SHROOM2: variants seen among roughly 807,000 people sequenced by gnomAD.
SHROOM2 encodes shroom family member 2, also known as protein Shroom2.
In SHROOM2, 33 loss-of-function variants were observed where a neutral mutation model predicts 75.9. The observed-to-expected ratio is 0.43, with a 90% CI of 0.33 to 0.58. The LOEUF (loss-of-function observed/expected upper bound fraction) is 0.58, where lower values mean the gene tolerates loss of function less well. Ranked by LOEUF, SHROOM2 falls within the 20% of genes least tolerant of loss-of-function variation. The pLI is 0.04. For missense variants in SHROOM2, 1,434 were observed against 1,461.2 expected, an observed-to-expected ratio of 0.98 and a Z score of 0.30; for synonymous variants, 655 against 663.6, an observed-to-expected ratio of 0.99 and a Z score of 0.20.
chrX:9,846,323 C>A (rs2084006503), intron 1 of SHROOM2, among the ~76,000 whole-genome samples: 1 of 110,904 alleles, frequency 9.0e-6, no homozygotes, highest in Non-Finnish European at 1.9e-5. Context: ...GAGACGGAGT[C>A]TCGCTCTGTC....
chrX:9,818,996 A>G, intron 1 of SHROOM2: 1 of 868,923 alleles, frequency 1.2e-6, no homozygotes, highest in Non-Finnish European at 1.7e-6. Context: ...ATACGGAGCC[A>G]TTTTCCTTGT....
rs1294625408 is a variant in SHROOM2 at position 9,932,284 on chromosome X, G to A, written c.3001G>A (p.Ala1001Thr). 2.5e-6 allele frequency: 3 copies of A among 1,201,895 alleles called. No individual in the cohort carries two copies. The highest frequency in any genetic ancestry group is 3.0e-5 in the East Asian group (1 of 33,554). The change falls in exon 6 of 10, where the codon GCC becomes ACC. Residue 1001 changes from alanine (A) to threonine (T), a missense_variant. By Grantham distance (58) the Ala-to-Thr change is moderately conservative. Coordinates refer to ENST00000380913, the MANE Select transcript of SHROOM2 (RefSeq NM_001649.4). ...CTCTGAACTATCTCACTGCCGGGGAGCCCCAGAGCTGCCCCGGGAGGGCCG... is the reference window on the plus strand; with the variant it reads ...CTCTGAACTATCTCACTGCCGGGGAACCCCAGAGCTGCCCCGGGAGGGCCG... Reference protein sequence around the residue: ...TFSELSHCRGAPELPREGRGR... With the variant: ...TFSELSHCRGTPELPREGRGR...
In SHROOM2 at chrX:9,789,441, A is replaced by G. The variant is rs188080742; in HGVS notation, c.165+2731A>G. 2.9e-4 allele frequency among the ~76,000 whole-genome samples: 32 copies of G among 111,424 alleles called. No individual in the cohort carries two copies. In the Admixed American group the frequency reaches 3.0e-3, roughly 10 times the overall value. On this transcript the variant is annotated intron_variant, in intron 1 of 9. Transcript: ENST00000380913. Reference sequence around the variant, plus strand: ...ACAGTTGGTGGAAAAAATGCACTCAAACCCATATTTCCATGCTGTTGTTAG... The same window carrying G: ...ACAGTTGGTGGAAAAAATGCACTCAGACCCATATTTCCATGCTGTTGTTAG...
chrX:9,949,125 T>A lies in SHROOM2; in HGVS notation c.*2188T>A. ...CAGCTGTCCTGTCAGTTCCCCTGTTTGCCTCTGAAACGTCTGGTTAGTGGG... is the reference window on the plus strand; with the variant it reads ...CAGCTGTCCTGTCAGTTCCCCTGTTAGCCTCTGAAACGTCTGGTTAGTGGG... On this transcript the variant is annotated 3_prime_UTR_variant, in exon 10 of 10. Coordinates refer to ENST00000380913, the MANE Select transcript of SHROOM2 (RefSeq NM_001649.4). 1 of 229,834 alleles carries A rather than the reference T, an allele frequency of 4.4e-6. No individual in the cohort carries two copies. Among genetic ancestry groups the A allele is most frequent in the Non-Finnish European group, 8.2e-6 (1 of 121,479 alleles). 18.9% of individuals were successfully genotyped at this position (229,834 alleles called of 1,213,427 possible).
chrX:9,860,385 C>T (rs2084096975), intron 1 of SHROOM2, among the ~76,000 whole-genome samples: 1 of 111,928 alleles, frequency 8.9e-6, no homozygotes, highest in Admixed American at 9.5e-5. Context: ...GGTTAACATA[C>T]ATGCACATCA....
chrX:9,908,074 G>C (rs1055076900), intron 5 of SHROOM2, among the ~76,000 whole-genome samples: 4 of 112,626 alleles, frequency 3.6e-5, no homozygotes, highest in Non-Finnish European at 5.6e-5. Context: ...GTAATAGTTC[G>C]CGATTATCTT....
Position 9,894,594 on chromosome X carries a change from C to T in SHROOM2, c.686C>T (p.Thr229Met), listed in dbSNP as rs1209932248. The change falls in exon 4 of 10, where the codon ACG (threonine) becomes ATG (methionine). Residue 229 changes from threonine (T) to methionine (M), a missense_variant. Physicochemically the swap from Thr to Met is moderately conservative, Grantham distance 81. This residue lies in a region of SHROOM2 where 1,340 missense variants were observed against 1,338.3 expected (regional missense o/e 1.00). Transcript: ENST00000380913. ...TPDHTLSKADTSSAENILYTV... is the reference protein window; with the variant it reads ...TPDHTLSKADMSSAENILYTV... ...GACCACACCTTGTCCAAAGCCGACA[C>T]GTCCTCCGCAGAGAACATCCTCTAC... 5.8e-6 allele frequency: 7 copies of T among 1,210,550 alleles called. No homozygotes were observed. In the Admixed American group the frequency reaches 8.7e-5, roughly 15 times the overall value.
intron 5 of SHROOM2, among the ~76,000 whole-genome samples, chrX:9,924,267 T>C (rs909019741): frequency 8.9e-6 from 1 of 112,530 alleles, no homozygotes; most frequent in African/African-American, 3.2e-5. Context: ...ATTTCAGTTT[T>C]TATGACTGAA....
intron 2 of SHROOM2, among the ~76,000 whole-genome samples, chrX:9,888,366 C>T (rs985432739): frequency 3.6e-5 from 4 of 112,366 alleles, no homozygotes; most frequent in Admixed American, 9.4e-5. Context: ...GCTTTCCATA[C>T]GGCCTTATCC....
At chrX:9,826,184 C>T (rs1308598908) in intron 1 of SHROOM2, among the ~76,000 whole-genome samples, 1 of 112,104 alleles carries the variant, frequency 8.9e-6, no homozygotes, top group Non-Finnish European at 1.9e-5. Flanking sequence ...TGTGTTATGC[C>T]ATCATGACCT....
In SHROOM2 at chrX:9,894,144, A is replaced by G. The variant is rs1055424366; in HGVS notation, c.450-214A>G. 1.1e-4 allele frequency among the ~76,000 whole-genome samples: 12 copies of G among 110,521 alleles called. No individual in the cohort carries two copies. In the Admixed American group the frequency reaches 1.2e-3, roughly 11 times the overall value. The stretch of plus-strand genomic sequence containing the variant: ...TGGTAAAAGCCATGTAACAGGGAGG[A>G]CACAGTCTTTTCAGCCTGTGCCCAG... On this transcript the variant is annotated intron_variant, in intron 3 of 9. Coordinates refer to ENST00000380913, the MANE Select transcript of SHROOM2 (RefSeq NM_001649.4).
chrX:9,803,868 G>A (rs886369779), intron 1 of SHROOM2, among the ~76,000 whole-genome samples: 1 of 111,286 alleles, frequency 9.0e-6, no homozygotes, highest in South Asian at 3.8e-4. Flanking sequence ...AGCACTGTTG[G>A]GCAGCACGGG....
intron 3 of SHROOM2, among the ~76,000 whole-genome samples, chrX:9,892,911 T>C (rs1212679106): frequency 8.9e-6 from 1 of 112,011 alleles, no homozygotes; most frequent in African/African-American, 3.2e-5. Flanking sequence ...GATAAATAGT[T>C]TCACCATTGA....
intron 8 of SHROOM2, among the ~76,000 whole-genome samples, chrX:9,943,835 T>G (rs2147066413): frequency 8.9e-6 from 1 of 112,493 alleles, no homozygotes; most frequent in African/African-American, 3.2e-5. Flanking sequence ...TTTTATATGC[T>G]AGTATTAGCA....
rs1211678999 is a variant in SHROOM2, at chrX:9,948,593, G to A, written c.*1656G>A. 1 of 113,546 alleles carries A rather than the reference G, an allele frequency of 8.8e-6. No homozygotes were observed. Among genetic ancestry groups the A allele is most frequent in the Non-Finnish European group, 1.9e-5 (1 of 53,503 alleles). The allele number at this position is 113,546 out of a possible 1,213,427, so 9.4% of individuals were successfully genotyped here. On this transcript the variant is annotated 3_prime_UTR_variant, in exon 10 of 10. Transcript: ENST00000380913. ...TAGAATCCACACTTCCTGAGCCAGA[G>A]GGGCCGTGTTGACGGTAATGCATTC...
At chrX:9,909,624 C>T (rs944161711) in intron 5 of SHROOM2, among the ~76,000 whole-genome samples, 24 of 112,221 alleles carry the variant, frequency 2.1e-4, no homozygotes, top group Non-Finnish European at 3.2e-4. Context: ...TGGCACTTCA[C>T]TTCCATGGTC....
At chrX:9,820,106 C>T (rs2083845169) in intron 1 of SHROOM2, among the ~76,000 whole-genome samples, 1 of 66,031 alleles carries the variant, frequency 1.5e-5, no homozygotes, top group South Asian at 5.7e-4. Context: ...TGGCTCCCTC[C>T]ACCTTTAAAA....
At chrX:9,804,456 G>A (rs940686830) in intron 1 of SHROOM2, among the ~76,000 whole-genome samples, 3 of 112,222 alleles carry the variant, frequency 2.7e-5, no homozygotes, top group Admixed American at 1.9e-4. Context: ...TCACCCTTTC[G>A]CTTAGATATA....
intron 1 of SHROOM2, among the ~76,000 whole-genome samples, chrX:9,826,727 G>A (rs1169886065): frequency 4.5e-5 from 5 of 112,081 alleles, no homozygotes; most frequent in Non-Finnish European, 9.4e-5. Flanking sequence ...AGTGAGCTGT[G>A]ATTGTGCCTC....
Sources: gnomAD v4.1 joint callset for allele counts (sites outside exome capture counted in the v4.1 genomes callset) on GRCh38, gnomAD v4.1.1 for gene constraint, gnomAD v4.1.1 regional missense constraint, MANE v1.5 for transcripts, NCBI Gene and HGNC (gene_info 2026-07-23, HGNC 2026-07-21) for gene names.